The following GMDS variants were observed in gnomAD, a reference collection of about 807,000 sequenced individuals.
The protein encoded by GMDS is GDP-mannose 4,6 dehydratase.
A neutral mutation model predicts 49.9 loss-of-function variants in GMDS; 20 were observed. The observed-to-expected ratio is 0.40, with a 90% CI of 0.28 to 0.58. The LOEUF is 0.58. Among genes scored for constraint, GMDS ranks in the 20% least tolerant of loss-of-function variants. The pLI, the probability that GMDS is intolerant of heterozygous loss-of-function variation, is 0.42. For synonymous variants in GMDS, 177 were observed against 178.6 expected (o/e 0.99, Z 0.07); for missense variants, 362 against 481.4 (o/e 0.75, Z 2.32).
At chr6:2,196,367 T>A (rs1779275743) in intron 1 of GMDS, among the ~76,000 whole-genome samples, 1 of 152,160 alleles carries the variant, frequency 6.6e-6, no homozygotes, top group African/African-American at 2.4e-5. Flanking sequence ...CCAGAAAGAG[T>A]TTACTTTTAC....
At chr6:1,841,278 C>T (rs1465287861) in intron 7 of GMDS, among the ~76,000 whole-genome samples, 1 of 152,284 alleles carries the variant, frequency 6.6e-6, no homozygotes, top group Admixed American at 6.5e-5. Context: ...TATTTCAAGG[C>T]GTTCCTTGTT....
intron 1 of GMDS, among the ~76,000 whole-genome samples, chr6:2,183,632 T>C (rs1778652026): frequency 1.3e-5 from 2 of 152,238 alleles, no homozygotes; most frequent in Non-Finnish European, 2.9e-5. Context: ...GATTCCCTTT[T>C]TTAAAGAAGT....
At chr6:1,687,699 A>G (rs986265579) in intron 9 of GMDS, among the ~76,000 whole-genome samples, 1 of 152,140 alleles carries the variant, frequency 6.6e-6, no homozygotes, top group Non-Finnish European at 1.5e-5. Context: ...GGGGGTTCAG[A>G]GAAGCCACGG....
chr6:1,865,571 A>T (rs772536329), intron 7 of GMDS, among the ~76,000 whole-genome samples: 37 of 152,220 alleles, frequency 2.4e-4, no homozygotes, highest in Non-Finnish European at 4.7e-4. Flanking sequence ...AATTATAAAA[A>T]GTTGCTGCTC....
intron 6 of GMDS, among the ~76,000 whole-genome samples, chr6:1,935,873 T>C (rs1454898685): frequency 8.5e-5 from 13 of 152,126 alleles, no homozygotes; most frequent in Admixed American, 2.6e-4. Context: ...GGGTAAAATA[T>C]TACTATTCCT....
chr6:1,740,147 T>C (rs1362405918), intron 8 of GMDS, among the ~76,000 whole-genome samples: 1 of 152,216 alleles, frequency 6.6e-6, no homozygotes, highest in East Asian at 1.9e-4. Flanking sequence ...TGTTTAAGTA[T>C]AATCTGTGTT....
intron 1 of GMDS, chr6:2,176,002 A>C: frequency 6.5e-7 from 1 of 1,534,758 alleles, no homozygotes; most frequent in South Asian, 1.2e-5. Context: ...AAACTGGATC[A>C]CACAAAAGTG....
intron 9 of GMDS, among the ~76,000 whole-genome samples, chr6:1,664,199 T>C (rs1419275629): frequency 1.3e-5 from 2 of 152,226 alleles, no homozygotes; most frequent in Non-Finnish European, 2.9e-5. Flanking sequence ...GGAATCTTTA[T>C]CATTTCTCTG....
chr6:1,885,393 C>T (rs1275760641), intron 7 of GMDS, among the ~76,000 whole-genome samples: 1 of 152,106 alleles, frequency 6.6e-6, no homozygotes, highest in African/African-American at 2.4e-5. Context: ...AATTAATGTG[C>T]CACAAATACC....
chr6:2,011,337 C>T lies in GMDS; in HGVS notation c.346-50371G>A, dbSNP rs574836112. Among the ~76,000 whole-genome samples, 125 of 152,222 alleles carry T rather than the reference C, an allele frequency of 8.2e-4. 2 individuals carry two copies. The South Asian group carries it at 0.018, about 22-fold the overall frequency. On this transcript the variant is annotated intron_variant, in intron 4 of 10. Coordinates refer to ENST00000380815, the MANE Select transcript of GMDS (RefSeq NM_001500.4). The stretch of plus-strand genomic sequence containing the variant: ...GGATGCAAAGAGAAGGAAACACATA[C>T]GCTGTTGGTGGGAATGTAAATTAAT...
chr6:1,772,915 A>G (rs1581164263), intron 7 of GMDS, among the ~76,000 whole-genome samples: 1 of 152,232 alleles, frequency 6.6e-6, no homozygotes, highest in African/African-American at 2.4e-5. Flanking sequence ...GATGTTTCAG[A>G]GCAAAATAGC....
At chr6:1,901,170 G>C (rs901205987) in intron 7 of GMDS, among the ~76,000 whole-genome samples, 3 of 152,220 alleles carry the variant, frequency 2.0e-5, no homozygotes, top group African/African-American at 7.2e-5. Flanking sequence ...CAGCTCCTGG[G>C]GGCAAGCATG....
At chr6:2,037,808 C>T (rs1249586447) in intron 4 of GMDS, among the ~76,000 whole-genome samples, 1 of 151,994 alleles carries the variant, frequency 6.6e-6, no homozygotes, top group African/African-American at 2.4e-5. Context: ...GCAACCTGCA[C>T]ATGGTTTCTA....
intron 9 of GMDS, among the ~76,000 whole-genome samples, chr6:1,696,873 T>C (rs1765362175): frequency 6.6e-6 from 1 of 152,220 alleles, no homozygotes; most frequent in Non-Finnish European, 1.5e-5. Flanking sequence ...AGTCACATGG[T>C]AAAACAACAA....
At chr6:2,184,398 C>G (rs1212902762) in intron 1 of GMDS, among the ~76,000 whole-genome samples, 1 of 152,172 alleles carries the variant, frequency 6.6e-6, no homozygotes, top group East Asian at 1.9e-4. Context: ...CTACCTTCCC[C>G]CCACCTCTCT....
At chr6:1,888,434 C>T (rs529625105) in intron 7 of GMDS, among the ~76,000 whole-genome samples, 41 of 152,174 alleles carry the variant, frequency 2.7e-4, no homozygotes, top group South Asian at 2.5e-3. Flanking sequence ...CATCAGATCT[C>T]GTGAGAACTC....
intron 7 of GMDS, among the ~76,000 whole-genome samples, chr6:1,909,019 T>C (rs1160133412): frequency 2.0e-5 from 3 of 152,054 alleles, no homozygotes; most frequent in Non-Finnish European, 2.9e-5. Context: ...GCTACGTAGA[T>C]GAAAGAATGA....
intron 1 of GMDS, among the ~76,000 whole-genome samples, chr6:2,224,737 C>G (rs1780743366): frequency 1.3e-5 from 2 of 152,110 alleles, no homozygotes; most frequent in African/African-American, 2.4e-5. Context: ...GTTGTTTACT[C>G]TCATCAAAAT....
At chr6:2,223,409 C>T (rs940992713) in intron 1 of GMDS, among the ~76,000 whole-genome samples, 3 of 151,546 alleles carry the variant, frequency 2.0e-5, no homozygotes, top group African/African-American at 7.3e-5. Flanking sequence ...AGCTGAGGAG[C>T]GACCATCTGA....
Sources: allele counts gnomAD v4.1 joint callset (sites outside exome capture counted in the v4.1 genomes callset), GRCh38; gene constraint gnomAD v4.1.1; transcripts MANE v1.5; gene names NCBI Gene and HGNC (gene_info 2026-07-23, HGNC 2026-07-21).